The following LRP1 variants were observed in gnomAD, a reference collection of about 807,000 sequenced individuals.
LRP1 encodes prolow-density lipoprotein receptor-related protein 1.
LRP1 carries 51 observed loss-of-function variants against 541.5 expected under a neutral mutation model. The observed-to-expected ratio is 0.09, with a 90% CI of 0.08 to 0.12. The LOEUF (loss-of-function observed/expected upper bound fraction) is 0.12. LRP1 is among the 10% of genes least tolerant of loss of function. LRP1 has a pLI of 1.00. For missense variants in LRP1, 3,878 were observed against 6,376.2 expected, an observed-to-expected ratio of 0.61 and a Z score of 13.34; for synonymous variants, 2,219 against 2,470.8, an observed-to-expected ratio of 0.90 and a Z score of 3.02.
At position 57,183,529 on chromosome 12, in the gene LRP1, G is replaced by A. The variant is rs1282389462; in HGVS notation, c.5794+19G>A. ...CACGCTGGTGAGCCATTTGGTGGCA[G>A]AGGGAGTTGGGCGTGGCGTAGGAGC... On this transcript the variant is annotated intron_variant, in intron 35 of 88. Coordinates refer to ENST00000243077, the MANE Select transcript of LRP1 (RefSeq NM_002332.3). This position sits in a 1 kb window ranked among gnomAD's most constrained non-coding sequence, Gnocchi z 6.1. 1 of 1,610,074 alleles carries A rather than the reference G, an allele frequency of 6.2e-7. No homozygotes were observed. Among genetic ancestry groups the A allele is most frequent in the Non-Finnish European group, 8.5e-7 (1 of 1,177,414 alleles).
chr12:57,181,187 A>G lies in LRP1; in HGVS notation c.5558A>G (p.Asn1853Ser), dbSNP rs2036158965. Residue 1853 changes from asparagine to serine, a missense_variant, in exon 34 of 89, where the codon AAC becomes AGC. Transcript: ENST00000243077. ...AAGGGCACCAACCCCTGCAGTGTCA[A>G]CAACGGTGACTGCTCCCAGCTCTGC... is the stretch of plus-strand genomic sequence containing the variant. Reference protein sequence around the residue: ...DHKGTNPCSVNNGDCSQLCLP... With the variant: ...DHKGTNPCSVSNGDCSQLCLP... The G allele has an allele frequency of 1.9e-6, 3 of 1,613,842 alleles. No homozygotes were observed. The highest frequency in any genetic ancestry group is 3.3e-4 in the Middle Eastern group (2 of 6,062).
Position 57,202,543 on chromosome 12 carries a change from T to TTGGGCCCCC in LRP1, c.10711+6_10711+7insTGGGCCCCC. ...CTCCGATGAAGAGAGCTGCAGTACG[T>TTGGGCCCCC]CCCCACCCACCCAGCCCCGCATGAG... On this transcript the variant is annotated splice_region_variant and intron_variant, in intron 68 of 88. Coordinates refer to ENST00000243077, the MANE Select transcript of LRP1 (RefSeq NM_002332.3). The TTGGGCCCCC allele has an allele frequency of 1.3e-6, 2 of 1,523,600 alleles. No homozygotes were observed. The highest frequency in any genetic ancestry group is 8.9e-7 in the Non-Finnish European group (1 of 1,124,786). 94.4% of individuals were successfully genotyped at this position (1,523,600 alleles called of 1,614,324 possible).
intron 4 of LRP1, among the ~76,000 whole-genome samples, chr12:57,144,347 A>C (rs2035355242): frequency 6.6e-6 from 1 of 152,192 alleles, no homozygotes; most frequent in Non-Finnish European, 1.5e-5. Flanking sequence ...ATTCTTTTAG[A>C]AACCACTATG....
At position 57,208,701 on chromosome 12, in the gene LRP1, C is replaced by G. The variant is rs112971614; in HGVS notation, c.12039-10C>G. On this transcript the variant is annotated splice_polypyrimidine_tract_variant and intron_variant, in intron 77 of 88. Transcript: ENST00000243077. The stretch of plus-strand genomic sequence containing the variant: ...CGGCCTGCCCACACTCACCCCTTCT[C>G]CCTCCCCAGGACCATGTACTGGTCA... 4.2e-5 allele frequency: 67 copies of G among 1,591,464 alleles called. No individual in the cohort carries two copies. The African/African-American group carries it at 7.1e-4, about 17-fold the overall frequency.
At position 57,183,532 on chromosome 12, in the gene LRP1, G is replaced by A. The variant is rs540804622; in HGVS notation, c.5794+22G>A. 6 of 1,609,058 alleles carry A rather than the reference G, an allele frequency of 3.7e-6. No individual in the cohort carries two copies. In the African/African-American group the frequency reaches 8.0e-5, roughly 21 times the overall value. The stretch of plus-strand genomic sequence containing the variant: ...GCTGGTGAGCCATTTGGTGGCAGAG[G>A]GAGTTGGGCGTGGCGTAGGAGCTTT... On this transcript the variant is annotated intron_variant, in intron 35 of 88. Transcript: ENST00000243077. The surrounding 1 kb of genome is among the most constrained non-coding windows in gnomAD (Gnocchi z 6.1).
Position 57,154,152 on chromosome 12 carries a change from G to A in LRP1, c.842-56G>A, listed in dbSNP as rs1183814777. Reference sequence around the variant, plus strand: ...GTGGGTTCTCACCAGCAAAGGGTGGGCATCTCTGCAAGAGGGCCTACCCCA... The same window carrying A: ...GTGGGTTCTCACCAGCAAAGGGTGGACATCTCTGCAAGAGGGCCTACCCCA... On this transcript the variant is annotated intron_variant, in intron 6 of 88. Coordinates refer to ENST00000243077, the MANE Select transcript of LRP1 (RefSeq NM_002332.3). This position sits in a 1 kb window ranked among gnomAD's most constrained non-coding sequence, Gnocchi z 4.6. 4 of 1,536,548 alleles carry A rather than the reference G, an allele frequency of 2.6e-6. No homozygotes were observed. Among genetic ancestry groups the A allele is most frequent in the South Asian group, 1.2e-5 (1 of 83,964 alleles).
At chr12:57,141,264 C>A (rs993039518) in intron 2 of LRP1, 110 bp from the exon 3 acceptor site, 2 of 1,267,222 alleles carry the variant, frequency 1.6e-6, no homozygotes, top group Non-Finnish European at 2.2e-6. Flanking sequence ...AGCCCCGAGG[C>A]CTCCTGAGAT....
Position 57,165,738 on chromosome 12 carries a change from A to G in LRP1, c.2531-67A>G. 1 of 1,514,060 alleles carries G rather than the reference A, an allele frequency of 6.6e-7. No homozygotes were observed. 93.8% of individuals were successfully genotyped at this position (1,514,060 alleles called of 1,614,324 possible). On this transcript the variant is annotated intron_variant, in intron 15 of 88. Transcript: ENST00000243077. The surrounding 1 kb of genome is among the most constrained non-coding windows in gnomAD (Gnocchi z 4.5). ...TAGTAAAACAAACAAAAATGGTGCA[A>G]AGGGCTTAGTACTTGTCCCACGACC...
chr12:57,194,807 C>G, intron 50 of LRP1, 108 bp downstream of exon 50: 1 of 1,393,456 alleles, frequency 7.2e-7, no homozygotes, highest in Non-Finnish European at 9.8e-7. Flanking sequence ...AGCCTTCAAC[C>G]CCCTGCCCCA....
In LRP1 at chr12:57,202,543, T is replaced by TGGGGGCCCCCCCC; in HGVS notation, c.10711+6_10711+7insGGGGGCCCCCCCC. 2 of 1,523,620 alleles carry TGGGGGCCCCCCCC rather than the reference T, an allele frequency of 1.3e-6. No individual in the cohort carries two copies. Among genetic ancestry groups the TGGGGGCCCCCCCC allele is most frequent in the Non-Finnish European group, 1.8e-6 (2 of 1,124,806 alleles). The allele number at this position is 1,523,620 out of a possible 1,614,324, so 94.4% of individuals were successfully genotyped here. On this transcript the variant is annotated splice_region_variant and intron_variant, in intron 68 of 88. Transcript: ENST00000243077. ...CTCCGATGAAGAGAGCTGCAGTACG[T>TGGGGGCCCCCCCC]CCCCACCCACCCAGCCCCGCATGAG...
chr12:57,199,551 T>C, intron 61 of LRP1, 151 bp downstream of exon 61: 1 of 880,954 alleles, frequency 1.1e-6, no homozygotes, highest in Non-Finnish European at 1.7e-6. Flanking sequence ...ATGGTCTGGC[T>C]CCCGGGAGCT....
At position 57,195,264 on chromosome 12, in the gene LRP1, C is replaced by A. The variant is rs200147657; in HGVS notation, c.8309-7C>A. On this transcript the variant is annotated splice_region_variant and splice_polypyrimidine_tract_variant and intron_variant, in intron 51 of 88. Transcript: ENST00000243077. ...AAGTCTCTCAGTGGCCCTCTCTCCC[C>A]CTACAGAAGGCAAGACGTGCGGCCC... 14 of 1,613,368 alleles carry A rather than the reference C, an allele frequency of 8.7e-6. No homozygotes were observed. Among genetic ancestry groups the A allele is most frequent in the East Asian group, 6.7e-5 (3 of 44,872 alleles).
chr12:57,133,438 G>A (rs575551758), intron 1 of LRP1, among the ~76,000 whole-genome samples: 51 of 152,200 alleles, frequency 3.4e-4, no homozygotes, highest in African/African-American at 1.2e-3. Flanking sequence ...TGTCCAGGCC[G>A]CAAAGCAGAG....
chr12:57,185,842 G>A lies in LRP1; in HGVS notation c.6775G>A (p.Asp2259Asn). The A allele has an allele frequency of 6.2e-7, 1 of 1,614,138 alleles. No homozygotes were observed. Among genetic ancestry groups the A allele is most frequent in the Non-Finnish European group, 8.5e-7 (1 of 1,180,028 alleles). Residue 2259 changes from aspartate (D) to asparagine (N), a missense_variant, in exon 41 of 89, where the codon GAC becomes AAC. This residue lies in a region of LRP1 where 1,100 missense variants were observed against 1,827.4 expected (regional missense o/e 0.60). Transcript: ENST00000243077. The surrounding 1 kb of genome is among the most constrained non-coding windows in gnomAD (Gnocchi z 4.9). ...PGTPNRIFFSDIHFGNIQQIN... is the reference protein window; with the variant it reads ...PGTPNRIFFSNIHFGNIQQIN... ...CACCCCCAATCGCATCTTCTTCAGCGACATCCACTTTGGGAACATCCAACA... is the reference window on the plus strand; with the variant it reads ...CACCCCCAATCGCATCTTCTTCAGCAACATCCACTTTGGGAACATCCAACA...
At position 57,198,259 on chromosome 12, in the gene LRP1, C is replaced by G; in HGVS notation, c.9386C>G (p.Ser3129Cys). 6.2e-7 allele frequency: 1 copy of G among 1,613,830 alleles called. No individual in the cohort carries two copies. The highest frequency in any genetic ancestry group is 8.5e-7 in the Non-Finnish European group (1 of 1,179,910). The change falls in exon 59 of 89, where the codon TCC becomes TGC. Residue 3129 changes from serine (S) to cysteine (C), a missense_variant. Ser to Cys is a moderately radical substitution (Grantham distance 112). Around this residue, in one of 13 missense-constraint regions of LRP1, gnomAD observed 1,100 missense variants for 1,827.4 expected, o/e 0.60. Coordinates refer to ENST00000243077, the MANE Select transcript of LRP1 (RefSeq NM_002332.3). Reference protein sequence around the residue: ...CDKGRDTIEVSKLNGAYRTVL... With the variant: ...CDKGRDTIEVCKLNGAYRTVL... ...AAAGGCCGGGACACCATCGAGGTGTCCAAGCTCAATGGGGCCTATCGGACG... is the reference window on the plus strand; with the variant it reads ...AAAGGCCGGGACACCATCGAGGTGTGCAAGCTCAATGGGGCCTATCGGACG...
chr12:57,185,727 C>T lies in LRP1; in HGVS notation c.6660C>T (p.Leu2220=). ...TCCACCTGTCGGATGAGCGCAACCT[C>T]AATGCGCCCGTGCAGCCCTTCGAGG... ...KSIHLSDERN[L]NAPVQPFEDP... is the part of the protein sequence containing the mutation. The change falls in exon 41 of 89, where the codon CTC becomes CTT. Residue 2220 remains leucine (L), a synonymous_variant. Coordinates refer to ENST00000243077, the MANE Select transcript of LRP1 (RefSeq NM_002332.3). The surrounding 1 kb of genome is among the most constrained non-coding windows in gnomAD (Gnocchi z 4.9). 6.2e-7 allele frequency: 1 copy of T among 1,614,204 alleles called. No homozygotes were observed. The highest frequency in any genetic ancestry group is 1.3e-5 in the African/African-American group (1 of 75,056).
chr12:57,133,625 C>G (rs1191258230), intron 1 of LRP1, among the ~76,000 whole-genome samples: 1 of 134,146 alleles, frequency 7.5e-6, no homozygotes, highest in Non-Finnish European at 1.6e-5. Context: ...CCGCGCCGCC[C>G]CCCCACCCCA....
rs767122505 is a variant in LRP1, at chr12:57,205,294, G to A, written c.11335+45G>A. The A allele has an allele frequency of 3.6e-5, 58 of 1,594,518 alleles. No individual in the cohort carries two copies. The highest frequency in any genetic ancestry group is 4.6e-5 in the Non-Finnish European group (54 of 1,167,672). Reference sequence around the variant, plus strand: ...CGGACGCTGGTGGGGAGTGGGGAGAGCCAAGCCCTGGCCTGGGGTGGCTCA... The same window carrying A: ...CGGACGCTGGTGGGGAGTGGGGAGAACCAAGCCCTGGCCTGGGGTGGCTCA... On this transcript the variant is annotated intron_variant, in intron 73 of 88. Transcript: ENST00000243077. The surrounding 1 kb of genome is among the most constrained non-coding windows in gnomAD (Gnocchi z 4.6).
intron 10 of LRP1, among the ~76,000 whole-genome samples, chr12:57,157,136 G>C (rs758934930): frequency 3.3e-5 from 5 of 152,212 alleles, no homozygotes; most frequent in Non-Finnish European, 5.9e-5. Flanking sequence ...AAACTAAACT[G>C]ATTCATTCAG....
Sources: allele counts gnomAD v4.1 joint callset (sites outside exome capture counted in the v4.1 genomes callset), GRCh38; gene constraint gnomAD v4.1.1; regional missense constraint gnomAD v4.1.1; non-coding constraint Gnocchi (gnomAD v3.1); transcripts MANE v1.5; gene names NCBI Gene and HGNC (gene_info 2026-07-23, HGNC 2026-07-21).